The following CD44 variants were observed in gnomAD, a reference collection of about 807,000 sequenced individuals.
CD44 encodes CD44 antigen.
In CD44, 49 loss-of-function variants were observed where a neutral mutation model predicts 88.8. That is an observed-to-expected ratio of 0.55 (90% CI 0.44 to 0.70). The LOEUF (loss-of-function observed/expected upper bound fraction) is 0.70. CD44 is among the 30% of genes least tolerant of loss of function. CD44 has a pLI of 0.00. For synonymous variants in CD44, 325 were observed against 312.3 expected, an observed-to-expected ratio of 1.04 and a Z score of -0.43; for missense variants, 883 against 913.8, an observed-to-expected ratio of 0.97 and a Z score of 0.43.
chr11:35,219,220 T>C lies in CD44; in HGVS notation c.1874-96T>C. On this transcript the variant is annotated intron_variant, in intron 15 of 17. Transcript: ENST00000428726. Reference sequence around the variant, plus strand: ...GAATCCATAAATGGCTTCTCAGTGATTCAGAATGTGGAGAGCTGCCCTTTA... The same window carrying C: ...GAATCCATAAATGGCTTCTCAGTGACTCAGAATGTGGAGAGCTGCCCTTTA... The C allele has an allele frequency of 3.4e-6, 3 of 873,766 alleles. No individual in the cohort carries two copies. The South Asian group carries it at 4.1e-5, about 12-fold the overall frequency. The allele number at this position is 873,766 out of a possible 1,614,324, so 54.1% of individuals were successfully genotyped here.
intron 1 of CD44, among the ~76,000 whole-genome samples, chr11:35,146,813 A>G (rs1224254992): frequency 6.6e-6 from 1 of 152,182 alleles, no homozygotes; most frequent in African/African-American, 2.4e-5. Context: ...GTTTTCAAAA[A>G]CTTCATTTGG....
chr11:35,209,942 G>A, intron 12 of CD44, 23 bp from the exon 13 acceptor site: 2 of 1,463,860 alleles, frequency 1.4e-6, no homozygotes, highest in Non-Finnish European at 1.9e-6. Context: ...AATTAACACT[G>A]GATTCATTCC....
At chr11:35,217,358 A>C (rs535292381) in intron 15 of CD44, among the ~76,000 whole-genome samples, 7 of 123,042 alleles carry the variant, frequency 5.7e-5, no homozygotes, top group African/African-American at 8.2e-5. Context: ...TCAGAAAAGA[A>C]AAAAAAAAAA....
chr11:35,207,827 G>A (rs1037705918), intron 11 of CD44, among the ~76,000 whole-genome samples: 3 of 152,184 alleles, frequency 2.0e-5, no homozygotes, highest in Non-Finnish European at 4.4e-5. Context: ...AGATTTGGGT[G>A]TTCCATCATG....
intron 17 of CD44, among the ~76,000 whole-genome samples, chr11:35,223,981 A>C (rs1030936795): frequency 7.9e-5 from 12 of 152,196 alleles, no homozygotes; most frequent in Admixed American, 5.2e-4. Flanking sequence ...GGAGAAAGAG[A>C]AGGTAAAAAA....
intron 6 of CD44, 115 bp downstream of exon 6, chr11:35,196,989 G>C: frequency 1.8e-6 from 2 of 1,086,152 alleles, no homozygotes; most frequent in Non-Finnish European, 2.6e-6. Context: ...ACAAATTTTC[G>C]TTATGACTTC....
intron 1 of CD44, 133 bp from the exon 2 acceptor site, chr11:35,176,442 T>C (rs148759925): frequency 0.086 from 59,048 of 690,204 alleles, 2,982 homozygotes; most frequent in Admixed American, 0.16. Flanking sequence ...CCTCCCAAAG[T>C]GCTGGGATTG....
chr11:35,144,240 A>G lies in CD44; in HGVS notation c.67+4870A>G, dbSNP rs1006329468. ...GGCTGGGGATAAGAGAGTAACTGCAATTGTGCTTCCCCGGCACCTTCGCTT... is the reference window on the plus strand; with the variant it reads ...GGCTGGGGATAAGAGAGTAACTGCAGTTGTGCTTCCCCGGCACCTTCGCTT... On this transcript the variant is annotated intron_variant, in intron 1 of 17. Transcript: ENST00000428726. 3.7e-4 allele frequency among the ~76,000 whole-genome samples: 56 copies of G among 152,282 alleles called. 1 individual carries two copies. Among genetic ancestry groups the G allele is most frequent in the Middle Eastern group, 3.4e-3 (1 of 294 alleles).
chr11:35,227,759 G>A (rs959159651), intron 17 of CD44, among the ~76,000 whole-genome samples: 5 of 152,220 alleles, frequency 3.3e-5, no homozygotes, highest in African/African-American at 9.6e-5. Flanking sequence ...CAGAGGCAAA[G>A]TGAACAATTC....
chr11:35,204,915 T>C (rs1296565731), intron 10 of CD44: 1 of 332,808 alleles, frequency 3.0e-6, no homozygotes, highest in Non-Finnish European at 5.6e-6. Flanking sequence ...TTGGGCATCA[T>C]CTAGTGAGAT....
chr11:35,181,489 G>A (rs1944981100), intron 3 of CD44, among the ~76,000 whole-genome samples: 1 of 151,236 alleles, frequency 6.6e-6, no homozygotes, highest in African/African-American at 2.4e-5. Context: ...TCTTAAACTG[G>A]GCCTTCTGTT....
chr11:35,156,095 C>T (rs961831238), intron 1 of CD44, among the ~76,000 whole-genome samples: 29 of 152,186 alleles, frequency 1.9e-4, no homozygotes, highest in Non-Finnish European at 2.8e-4. Context: ...ACCTGATTTA[C>T]TTTCAAGGGG....
chr11:35,215,142 C>A (rs1948723881), intron 15 of CD44, among the ~76,000 whole-genome samples: 1 of 152,154 alleles, frequency 6.6e-6, no homozygotes, highest in African/African-American at 2.4e-5. Flanking sequence ...CTAATCAGTT[C>A]CCTGGTAATA....
At chr11:35,224,235 G>C (rs1358720998) in intron 17 of CD44, among the ~76,000 whole-genome samples, 2 of 152,088 alleles carry the variant, frequency 1.3e-5, no homozygotes, top group African/African-American at 4.8e-5. Flanking sequence ...GCTGGGTTGG[G>C]GGTTCTATTA....
chr11:35,217,383 T>C (rs1424455549), intron 15 of CD44, among the ~76,000 whole-genome samples: 1 of 141,504 alleles, frequency 7.1e-6, no homozygotes. Flanking sequence ...ACAGTGAGAG[T>C]GACTGTACCT....
rs78511522 is a variant in CD44 at position 35,228,203 on chromosome 11, G to A, written c.2025-926G>A. Among the ~76,000 whole-genome samples, 233 of 152,266 alleles carry A rather than the reference G, an allele frequency of 1.5e-3. 1 individual carries two copies. The East Asian group carries it at 0.016, about 10-fold the overall frequency. On this transcript the variant is annotated intron_variant, in intron 17 of 17. Coordinates refer to ENST00000428726, the MANE Select transcript of CD44 (RefSeq NM_000610.4). ...AGTAACCAGGGAAAAGATCAAGGTC[G>A]TACTCTTCCATAGCAACTTTCTTTT...
intron 11 of CD44, among the ~76,000 whole-genome samples, chr11:35,207,436 G>A (rs751145072): frequency 3.9e-5 from 6 of 152,174 alleles, no homozygotes; most frequent in Admixed American, 6.5e-5. Flanking sequence ...GTAGATCTGT[G>A]ATAACTGTTA....
chr11:35,176,942 T>C (rs1591067245), intron 2 of CD44: 4 of 542,438 alleles, frequency 7.4e-6, no homozygotes, highest in Non-Finnish European at 1.3e-5. Context: ...TTGTGAATCA[T>C]AGAGCGGGAA....
intron 5 of CD44, among the ~76,000 whole-genome samples, chr11:35,196,001 G>T (rs1946703660): frequency 6.6e-6 from 1 of 152,100 alleles, no homozygotes; most frequent in African/African-American, 2.4e-5. Context: ...CTAAGATTAT[G>T]TATCTATTGC....
Sources: allele counts gnomAD v4.1 joint callset (sites outside exome capture counted in the v4.1 genomes callset), GRCh38; gene constraint gnomAD v4.1.1; transcripts MANE v1.5; gene names NCBI Gene and HGNC (gene_info 2026-07-23, HGNC 2026-07-21).